The following LARP6 variants were observed in gnomAD, a reference collection of about 807,000 sequenced individuals.
The protein encoded by LARP6 is La ribonucleoprotein 6, translational regulator.
A neutral mutation model predicts 32.8 loss-of-function variants in LARP6; 18 were observed. That is an observed-to-expected ratio of 0.55 (90% CI 0.38 to 0.81). LARP6 has a LOEUF of 0.81. Ranked by LOEUF, LARP6 falls within the 40% of genes least tolerant of loss-of-function variation. LARP6 has a pLI of 0.00. For synonymous variants in LARP6, 289 were observed against 267.2 expected, an observed-to-expected ratio of 1.08 and a Z score of -0.80; for missense variants, 598 against 663.1, an observed-to-expected ratio of 0.90 and a Z score of 1.08.
chr15:70,845,962 C>A, intron 1 of LARP6, among the ~76,000 whole-genome samples: 1 of 152,234 alleles, frequency 6.6e-6, no homozygotes, highest in East Asian at 1.9e-4. Context: ...AGAAAATAAT[C>A]TTGTCTCTTT....
chr15:70,847,760 C>G (rs1047958884), intron 1 of LARP6, among the ~76,000 whole-genome samples: 2 of 152,020 alleles, frequency 1.3e-5, no homozygotes, highest in South Asian at 4.2e-4. Context: ...CGCAGTTAAT[C>G]GAATGATACC....
chr15:70,833,090 TC>T lies in LARP6; in HGVS notation c.437del (p.Arg146LysfsTer7). ...KKVKHLTRDW[R>X]TTAHALKYSV... ...AATACTTCAAAGCATGTGCTGTGGT[TC>T]TCCAGTCCCGTGTAAGATGTTTCAC... On this transcript the variant is annotated frameshift_variant, in exon 3 of 3. Coordinates refer to ENST00000299213, the MANE Select transcript of LARP6 (RefSeq NM_018357.4). LOFTEE classifies it high-confidence loss of function. 6.2e-7 allele frequency: 1 copy of T among 1,614,036 alleles called. No individual in the cohort carries two copies. The highest frequency in any genetic ancestry group is 8.5e-7 in the Non-Finnish European group (1 of 1,179,958).
Position 70,831,083 on chromosome 15 carries a change from T to G in LARP6, c.*969A>C, listed in dbSNP as rs376311616. On this transcript the variant is annotated 3_prime_UTR_variant, in exon 3 of 3. Coordinates refer to ENST00000299213, the MANE Select transcript of LARP6 (RefSeq NM_018357.4). ...GCATCAGAATCACCTGCAGCGTTTG[T>G]TAAAACCCAAATTCCAGGCCTTTCT... is the stretch of plus-strand genomic sequence containing the variant. The G allele has an allele frequency of 5.3e-5, 8 of 152,350 alleles. No homozygotes were observed. The highest frequency in any genetic ancestry group is 1.9e-4 in the East Asian group (1 of 5,182). 9.4% of individuals were successfully genotyped at this position (152,350 alleles called of 1,614,324 possible). A position where few individuals can be genotyped will look rare whatever the true frequency, so the allele number is the denominator to read the frequency against.
intron 1 of LARP6, among the ~76,000 whole-genome samples, chr15:70,852,516 A>C (rs879919994): frequency 1.3e-4 from 20 of 152,188 alleles, no homozygotes; most frequent in Non-Finnish European, 2.5e-4. Flanking sequence ...CTGCCACAGG[A>C]AAATAAAGTT....
chr15:70,846,591 A>T (rs2032349007), intron 1 of LARP6, among the ~76,000 whole-genome samples: 4 of 151,400 alleles, frequency 2.6e-5, no homozygotes, highest in Non-Finnish European at 5.9e-5. Flanking sequence ...CCTGAGTGAC[A>T]GAGTGAGACC....
chr15:70,833,956 CT>C (rs1312148145), intron 2 of LARP6, among the ~76,000 whole-genome samples: 3 of 152,176 alleles, frequency 2.0e-5, no homozygotes, highest in Non-Finnish European at 4.4e-5. Context: ...TATATTTATA[CT>C]GTAAAACAGT....
At chr15:70,853,839 G>C (rs1450054517) in intron 1 of LARP6, 50 bp downstream of exon 1, 3 of 1,195,380 alleles carry the variant, frequency 2.5e-6, no homozygotes, top group Middle Eastern at 6.5e-4. Flanking sequence ...ACTCGCGCGC[G>C]GCCCGGCGCC....
intron 1 of LARP6, among the ~76,000 whole-genome samples, chr15:70,840,923 T>A (rs2141053113): frequency 6.6e-6 from 1 of 151,494 alleles, no homozygotes; most frequent in Non-Finnish European, 1.5e-5. Context: ...TTTTTTTTTT[T>A]TTTTTTAAGA....
At chr15:70,837,132 T>C (rs1306154932) in intron 1 of LARP6, among the ~76,000 whole-genome samples, 1 of 152,114 alleles carries the variant, frequency 6.6e-6, no homozygotes, top group African/African-American at 2.4e-5. Context: ...ACCAGCACTT[T>C]GGGAGGCTGA....
Position 70,832,328 on chromosome 15 carries a change from C to G in LARP6, c.1200G>C (p.Glu400Asp), listed in dbSNP as rs757849078. Reference sequence around the variant, plus strand: ...TGGTGCTGCAGTTCAGTCTACCTTCCTCCGCCAGTGGGGACTTTCTGGAAA... The same window carrying G: ...TGGTGCTGCAGTTCAGTCTACCTTCGTCCGCCAGTGGGGACTTTCTGGAAA... The part of the protein sequence containing the change: ...KGVSRKSPLA[E>D]EGRLNCSTSP... The change falls in exon 3 of 3, where the codon GAG becomes GAC. Residue 400 changes from glutamate to aspartate, a missense_variant. Glu to Asp is a conservative substitution (Grantham distance 45). This residue lies in a region of LARP6 where 368 missense variants were observed against 397.9 expected (regional missense o/e 0.92). Coordinates refer to ENST00000299213, the MANE Select transcript of LARP6 (RefSeq NM_018357.4). 7 of 1,614,150 alleles carry G rather than the reference C, an allele frequency of 4.3e-6. No homozygotes were observed. In the Admixed American group the frequency reaches 8.3e-5, roughly 19 times the overall value.
Position 70,829,814 on chromosome 15 carries a change from T to C in LARP6, c.*2238A>G, listed in dbSNP as rs945374113. ...AAGGCCAAGTTCATCTGTATTCACATGTAAAGGTGAGGGTGTAGGTATTTT... is the reference window on the plus strand; with the variant it reads ...AAGGCCAAGTTCATCTGTATTCACACGTAAAGGTGAGGGTGTAGGTATTTT... On this transcript the variant is annotated 3_prime_UTR_variant, in exon 3 of 3. Coordinates refer to ENST00000299213, the MANE Select transcript of LARP6 (RefSeq NM_018357.4). The C allele has an allele frequency of 6.6e-6, 1 of 152,178 alleles. No homozygotes were observed. The highest frequency in any genetic ancestry group is 2.4e-5 in the African/African-American group (1 of 41,432). 9.4% of individuals were successfully genotyped at this position (152,178 alleles called of 1,614,324 possible). A position where few individuals can be genotyped will look rare whatever the true frequency, so the allele number is the denominator to read the frequency against.
At position 70,832,288 on chromosome 15, in the gene LARP6, G is replaced by A. The variant is rs780801391; in HGVS notation, c.1240C>T (p.Arg414Cys). The A allele has an allele frequency of 9.3e-6, 15 of 1,614,082 alleles. No individual in the cohort carries two copies. The African/African-American group carries it at 9.3e-5, about 10-fold the overall frequency. Reference protein sequence around the residue: ...LNCSTSPEIFRKCMDYSSDSS... With the variant: ...LNCSTSPEIFCKCMDYSSDSS... ...TCAGAGGAATAATCCATACACTTGC[G>A]GAAGATCTCAGGGCTGGTGCTGCAG... is the stretch of plus-strand genomic sequence containing the variant. The change falls in exon 3 of 3, where the codon CGC (arginine) becomes TGC (cysteine). Residue 414 changes from arginine to cysteine, a missense_variant. Physicochemically the swap from Arg to Cys is radical, Grantham distance 180 (BLOSUM62 -3). Transcript: ENST00000299213.
chr15:70,832,079 G>C lies in LARP6; in HGVS notation c.1449C>G (p.Gly483=). 1 of 1,534,160 alleles carries C rather than the reference G, an allele frequency of 6.5e-7. No homozygotes were observed. The highest frequency in any genetic ancestry group is 8.8e-7 in the Non-Finnish European group (1 of 1,141,824). The change falls in exon 3 of 3, where the codon GGC becomes GGG. Residue 483 remains glycine, a synonymous_variant. Coordinates refer to ENST00000299213, the MANE Select transcript of LARP6 (RefSeq NM_018357.4). The part of the protein sequence containing the change: ...RGPDNTRGFH[G]HERSRACV ...ATACACAGGCCCTGCTCCTCTCATG[G>C]CCATGAAATCCTCTGGTGTTGTCAG...
At chr15:70,852,050 T>A in intron 1 of LARP6, 1 of 370,436 alleles carries the variant, frequency 2.7e-6, no homozygotes, top group Admixed American at 3.7e-5. Flanking sequence ...CACATCTTAA[T>A]GAGCAGATTG....
chr15:70,837,156 A>G (rs1333631221), intron 1 of LARP6, among the ~76,000 whole-genome samples: 1 of 152,080 alleles, frequency 6.6e-6, no homozygotes, highest in East Asian at 1.9e-4. Flanking sequence ...AGGTGGCCTG[A>G]GCCCAGGAAT....
rs749368523 is a variant in LARP6, at chr15:70,832,592, C to T, written c.936G>A (p.Ala312=). 1.1e-5 allele frequency: 17 copies of T among 1,594,946 alleles called. No individual in the cohort carries two copies. The highest frequency in any genetic ancestry group is 1.7e-4 in the Middle Eastern group (1 of 5,966). ...TCAGGGACTTGTTCAGGTGGATGCT[C>T]GCAGTGGGCTCCTCGTCATGATTTT... The part of the protein sequence containing the change: ...KDKNHDEEPT[A]SIHLNKSLNK... Residue 312 remains alanine (A), a synonymous_variant, in exon 3 of 3, where the codon GCG becomes GCA. Coordinates refer to ENST00000299213, the MANE Select transcript of LARP6 (RefSeq NM_018357.4).
rs945858689 is a variant in LARP6 at position 70,830,552 on chromosome 15, C to T, written c.*1500G>A. 1.3e-5 allele frequency: 2 copies of T among 152,170 alleles called. No individual in the cohort carries two copies. The highest frequency in any genetic ancestry group is 4.8e-5 in the African/African-American group (2 of 41,428). The allele number at this position is 152,170 out of a possible 1,614,324, so 9.4% of individuals were successfully genotyped here. A position where few individuals can be genotyped will look rare whatever the true frequency, so the allele number is the denominator to read the frequency against. ...AAAGCCAGACCACTAGTTTCAAGCC[C>T]AACTCTACCAATTTAGCTGTTAAGC... On this transcript the variant is annotated 3_prime_UTR_variant, in exon 3 of 3. Transcript: ENST00000299213.
chr15:70,851,781 A>G, intron 1 of LARP6: 1 of 1,609,362 alleles, frequency 6.2e-7, no homozygotes, highest in Non-Finnish European at 8.5e-7. Context: ...TAAAATGTAC[A>G]GAGTACTACA....
Position 70,832,599 on chromosome 15 carries a change from G to A in LARP6, c.929C>T (p.Pro310Leu), listed in dbSNP as rs745752020. Reference sequence around the variant, plus strand: ...CTTGTTCAGGTGGATGCTCGCAGTGGGCTCCTCGTCATGATTTTTGTCTTT... The same window carrying A: ...CTTGTTCAGGTGGATGCTCGCAGTGAGCTCCTCGTCATGATTTTTGTCTTT... ...PAKDKNHDEEPTASIHLNKSL... is the reference protein window; with the variant it reads ...PAKDKNHDEELTASIHLNKSL... The change falls in exon 3 of 3, where the codon CCC becomes CTC. Residue 310 changes from proline to leucine, a missense_variant. By Grantham distance (98) the Pro-to-Leu change is moderately conservative. Around this residue, in one of 3 missense-constraint regions of LARP6, gnomAD observed 368 missense variants for 397.9 expected, o/e 0.92. Coordinates refer to ENST00000299213, the MANE Select transcript of LARP6 (RefSeq NM_018357.4). 2 of 1,601,358 alleles carry A rather than the reference G, an allele frequency of 1.2e-6. No homozygotes were observed. The highest frequency in any genetic ancestry group is 1.7e-6 in the Non-Finnish European group (2 of 1,175,026).
Sources: allele counts gnomAD v4.1 joint callset (sites outside exome capture counted in the v4.1 genomes callset), GRCh38; gene constraint gnomAD v4.1.1; regional missense constraint gnomAD v4.1.1; transcripts MANE v1.5; gene names NCBI Gene and HGNC (gene_info 2026-07-23, HGNC 2026-07-21).